Variants in ZDHHC21 observed in about 807,000 individuals in gnomAD.
ZDHHC21 encodes the protein zDHHC palmitoyltransferase 21, also known as palmitoyltransferase ZDHHC21.
In ZDHHC21, 15 loss-of-function variants were observed where a neutral mutation model predicts 34.6. The ratio of observed to expected loss-of-function variants is 0.43; its 90% CI spans 0.29 to 0.67. The LOEUF is 0.67. Ranked by LOEUF, ZDHHC21 falls within the 30% of genes least tolerant of loss-of-function variation. The probability of loss-of-function intolerance (pLI) is 0.14; values close to 1 mark genes in which losing one functional copy is unlikely to be tolerated. For missense variants in ZDHHC21, 344 were observed against 327.7 expected, an observed-to-expected ratio of 1.05 and a Z score of -0.38; for synonymous variants, 142 against 101.8, an observed-to-expected ratio of 1.40 and a Z score of -2.38.
intron 7 of ZDHHC21, among the ~76,000 whole-genome samples, chr9:14,646,100 C>A (rs1255189239): frequency 1.3e-5 from 2 of 152,108 alleles, no homozygotes; most frequent in Non-Finnish European, 2.9e-5. Flanking sequence ...ATAAACAAGG[C>A]TGCTCACAAT....
chr9:14,657,322 G>T (rs1034339446), intron 7 of ZDHHC21, among the ~76,000 whole-genome samples: 1 of 151,986 alleles, frequency 6.6e-6, no homozygotes, highest in African/African-American at 2.4e-5. Context: ...TTATATACCA[G>T]CTAAGTTTAC....
chr9:14,606,888 A>G (rs1171804642), downstream of ZDHHC21, among the ~76,000 whole-genome samples: 1 of 152,144 alleles, frequency 6.6e-6, no homozygotes, highest in African/African-American at 2.4e-5. Context: ...TACAAATTTT[A>G]AAGATTAATA....
chr9:14,606,843 GA>G (rs534510026), downstream of ZDHHC21, among the ~76,000 whole-genome samples: 1 of 151,264 alleles, frequency 6.6e-6, no homozygotes, highest in Non-Finnish European at 1.5e-5. Flanking sequence ...ATACACAAGA[GA>G]AAAAAAACCA....
In ZDHHC21 at chr9:14,612,108, T is replaced by C. The variant is rs1433693165; in HGVS notation, c.*6858A>G. ...GAGAGATAATGTTGCTTCATCTCAT[T>C]AGGCTTTCAAATTTTGCTTTCACCT... On this transcript the variant is annotated 3_prime_UTR_variant, in exon 10 of 10. Transcript: ENST00000380916. 6.6e-6 allele frequency: 1 copy of C among 152,026 alleles called. No individual in the cohort carries two copies. Among genetic ancestry groups the C allele is most frequent in the Non-Finnish European group, 1.5e-5 (1 of 67,942 alleles). The allele number at this position is 152,026 out of a possible 1,614,324, so 9.4% of individuals were successfully genotyped here.
At chr9:14,667,322 G>A (rs1324847334) in intron 5 of ZDHHC21, among the ~76,000 whole-genome samples, 3 of 149,996 alleles carry the variant, frequency 2.0e-5, no homozygotes, top group Non-Finnish European at 4.5e-5. Flanking sequence ...TCTCTGAATA[G>A]ACGAATAACA....
At chr9:14,649,189 T>C (rs1830790811) in intron 7 of ZDHHC21, among the ~76,000 whole-genome samples, 1 of 152,096 alleles carries the variant, frequency 6.6e-6, no homozygotes, top group Non-Finnish European at 1.5e-5. Context: ...AGAACCACTG[T>C]ACCCACTGGT....
At chr9:14,652,561 G>A (rs1831415151) in intron 7 of ZDHHC21, among the ~76,000 whole-genome samples, 1 of 151,752 alleles carries the variant, frequency 6.6e-6, no homozygotes, top group Admixed American at 6.6e-5. Context: ...AAAAACAATG[G>A]GGCACTTGCA....
chr9:14,594,780 A>C, the ZDHHC21 span, among the ~76,000 whole-genome samples: 101 of 152,330 alleles, frequency 6.6e-4, 1 homozygote, highest in African/African-American at 2.4e-3. Context: ...AATATTTGCA[A>C]ATCATATATC....
chr9:14,691,178 C>G (rs778472946), intron 1 of ZDHHC21, among the ~76,000 whole-genome samples: 2 of 152,176 alleles, frequency 1.3e-5, no homozygotes, highest in Admixed American at 6.5e-5. Context: ...TACTCAACTT[C>G]TCAAGCAGTT....
rs1046066495 is a variant in ZDHHC21 at position 14,613,628 on chromosome 9, A to AT, written c.*5337dup. 1 of 151,884 alleles carries AT rather than the reference A, an allele frequency of 6.6e-6. No individual in the cohort carries two copies. Among genetic ancestry groups the AT allele is most frequent in the Non-Finnish European group, 1.5e-5 (1 of 67,812 alleles). The allele number at this position is 151,884 out of a possible 1,614,324, so 9.4% of individuals were successfully genotyped here. ...CCAAAAAAATCAGTGTTGAACTGTT[A>AT]TAAGAACGACATTACATGTTACAGA... On this transcript the variant is annotated 3_prime_UTR_variant, in exon 10 of 10. Transcript: ENST00000380916.
At chr9:14,639,710 G>C (rs918461373) in intron 8 of ZDHHC21, among the ~76,000 whole-genome samples, 186 bp downstream of exon 8, 1 of 151,872 alleles carries the variant, frequency 6.6e-6, no homozygotes, top group African/African-American at 2.4e-5. Flanking sequence ...TTAAAAACAG[G>C]ATACAAAATT....
At chr9:14,655,986 T>C (rs776226796) in intron 7 of ZDHHC21, among the ~76,000 whole-genome samples, 4 of 150,236 alleles carry the variant, frequency 2.7e-5, no homozygotes, top group African/African-American at 9.7e-5. Context: ...ACAACTGATA[T>C]AGTTAAACTA....
chr9:14,659,722 G>A (rs1285385367), intron 6 of ZDHHC21, among the ~76,000 whole-genome samples: 1 of 152,094 alleles, frequency 6.6e-6, no homozygotes, highest in Non-Finnish European at 1.5e-5. Flanking sequence ...TTTTAACTTT[G>A]TCATTAAACC....
chr9:14,613,686 G>A lies in ZDHHC21; in HGVS notation c.*5280C>T, dbSNP rs1391943979. On this transcript the variant is annotated 3_prime_UTR_variant, in exon 10 of 10. Transcript: ENST00000380916. ...AATACCAATAGAAATGGAGACCTTC[G>A]AGGTATCAAGAACTCCAAAATATCC... 1.3e-5 allele frequency: 2 copies of A among 151,734 alleles called. No homozygotes were observed. The highest frequency in any genetic ancestry group is 2.4e-5 in the African/African-American group (1 of 41,394). The allele number at this position is 151,734 out of a possible 1,614,324, so 9.4% of individuals were successfully genotyped here.
intron 5 of ZDHHC21, among the ~76,000 whole-genome samples, chr9:14,663,511 C>A (rs1833777813): frequency 7.0e-6 from 1 of 142,374 alleles, no homozygotes; most frequent in Admixed American, 7.0e-5. Flanking sequence ...TTTTTTTTAC[C>A]AATATTGATA....
Position 14,658,707 on chromosome 9 carries a change from G to C in ZDHHC21, c.504+42C>G, listed in dbSNP as rs200592061. The C allele has an allele frequency of 1.8e-5, 29 of 1,577,254 alleles. No individual in the cohort carries two copies. The African/African-American group carries it at 3.4e-4, about 18-fold the overall frequency. ...AGGATGGTCTCGATCTCCTGACCTC[G>C]TGATCCGCCCGCCTCGGCCTCCCAA... is the stretch of plus-strand genomic sequence containing the variant. On this transcript the variant is annotated intron_variant, in intron 7 of 9. Coordinates refer to ENST00000380916, the MANE Select transcript of ZDHHC21 (RefSeq NM_178566.6).
intron 7 of ZDHHC21, among the ~76,000 whole-genome samples, chr9:14,658,101 A>C (rs917726263): frequency 1.2e-4 from 18 of 152,214 alleles, no homozygotes; most frequent in Non-Finnish European, 1.6e-4. Flanking sequence ...TAACTATTTG[A>C]GAACCTTTAA....
chr9:14,681,926 T>C (rs985538674), intron 2 of ZDHHC21, among the ~76,000 whole-genome samples: 12 of 152,160 alleles, frequency 7.9e-5, no homozygotes, highest in Non-Finnish European at 1.5e-4. Flanking sequence ...CAGAATTTCA[T>C]ATCCAGCCAA....
chr9:14,691,364 T>C (rs1839125008), intron 1 of ZDHHC21, among the ~76,000 whole-genome samples: 1 of 152,240 alleles, frequency 6.6e-6, no homozygotes, highest in Admixed American at 6.5e-5. Flanking sequence ...GGATTGTAAC[T>C]GCAGAGACCA....
Sources: allele counts gnomAD v4.1 joint callset (sites outside exome capture counted in the v4.1 genomes callset), GRCh38; gene constraint gnomAD v4.1.1; transcripts MANE v1.5; gene names NCBI Gene and HGNC (gene_info 2026-07-23, HGNC 2026-07-21).